CDH22: variants seen among roughly 807,000 people sequenced by gnomAD.
CDH22 encodes the protein cadherin 22, also known as cadherin-22.
In CDH22, 30 loss-of-function variants were observed where a neutral mutation model predicts 58.4. That is an observed-to-expected ratio of 0.51 (90% CI 0.38 to 0.70). The LOEUF is 0.70. Ranked by LOEUF, CDH22 falls within the 30% of genes least tolerant of loss-of-function variation. The probability of loss-of-function intolerance (pLI) is 0.00; values close to 1 mark genes in which losing one functional copy is unlikely to be tolerated. For missense variants in CDH22, 1,014 were observed against 1,233.9 expected, an observed-to-expected ratio of 0.82 and a Z score of 2.67; for synonymous variants, 513 against 558.2, an observed-to-expected ratio of 0.92 and a Z score of 1.14.
intron 7 of CDH22, among the ~76,000 whole-genome samples, chr20:46,202,801 C>T (rs1024822450): frequency 6.6e-6 from 1 of 152,222 alleles, no homozygotes; most frequent in Non-Finnish European, 1.5e-5. Flanking sequence ...TCTTGAGCAT[C>T]ATCAGCTCAG....
chr20:46,279,434 T>TG, intron 1 of CDH22, among the ~76,000 whole-genome samples: 1 of 152,322 alleles, frequency 6.6e-6, no homozygotes, highest in South Asian at 2.1e-4. Context: ...ATTCATCTGA[T>TG]GGAACACAGC....
At chr20:46,208,234 A>T (rs1342585536) in intron 7 of CDH22, among the ~76,000 whole-genome samples, 2 of 151,980 alleles carry the variant, frequency 1.3e-5, no homozygotes, top group Non-Finnish European at 2.9e-5. Flanking sequence ...CCTCCTCTGG[A>T]TCAGTTTCTT....
intron 8 of CDH22, among the ~76,000 whole-genome samples, chr20:46,196,719 C>G (rs892324214): frequency 6.6e-6 from 1 of 152,140 alleles, no homozygotes; most frequent in Non-Finnish European, 1.5e-5. Context: ...CTCATCCCCA[C>G]AGTGAAGATG....
Position 46,236,212 on chromosome 20 carries a change from C to T in CDH22, c.550+4751G>A, listed in dbSNP as rs565494761. Among the ~76,000 whole-genome samples the T allele has an allele frequency of 7.6e-4, 116 of 152,058 alleles. 1 individual carries two copies. The South Asian group carries it at 0.022, about 29-fold the overall frequency. ...CAGACATTTCTAACAGCCCAGACCT[C>T]GTGAGCCAGAAACGCTGGGGGGGAC... is the stretch of plus-strand genomic sequence containing the variant. On this transcript the variant is annotated intron_variant, in intron 3 of 11. Transcript: ENST00000537909.
At chr20:46,234,389 T>C (rs1008631313) in intron 3 of CDH22, among the ~76,000 whole-genome samples, 4 of 152,236 alleles carry the variant, frequency 2.6e-5, no homozygotes, top group Admixed American at 2.0e-4. Flanking sequence ...AAAATCACTT[T>C]GCATTTATTT....
chr20:46,208,783 G>T (rs1343143134), intron 7 of CDH22, among the ~76,000 whole-genome samples: 1 of 152,052 alleles, frequency 6.6e-6, no homozygotes, highest in African/African-American at 2.4e-5. Context: ...AGTAGAGACG[G>T]GGTTTCACCA....
In CDH22 at chr20:46,216,712, G is replaced by C. The variant is rs940088774; in HGVS notation, c.838+114C>G. 1 of 995,226 alleles carries C rather than the reference G, an allele frequency of 1.0e-6. No homozygotes were observed. The highest frequency in any genetic ancestry group is 1.5e-6 in the Non-Finnish European group (1 of 656,340). 61.6% of individuals were successfully genotyped at this position (995,226 alleles called of 1,614,324 possible). On this transcript the variant is annotated intron_variant, in intron 5 of 11. Coordinates refer to ENST00000537909, the MANE Select transcript of CDH22 (RefSeq NM_021248.3). The surrounding 1 kb of genome is among the most constrained non-coding windows in gnomAD (Gnocchi z 5.3). ...ACAGACAGACAGACAGAAAGAGAGG[G>C]GGAAGCCCTTCTTTTGGTGGGAAGT...
chr20:46,227,450 C>A, intron 4 of CDH22, 58 bp downstream of exon 4: 6 of 1,399,474 alleles, frequency 4.3e-6, no homozygotes, highest in Non-Finnish European at 4.9e-6. Flanking sequence ...GGTCCTCGTC[C>A]CGCCCCGCCC....
At position 46,174,499 on chromosome 20, in the gene CDH22, C is replaced by T; in HGVS notation, c.*7G>A. On this transcript the variant is annotated 3_prime_UTR_variant, in exon 12 of 12. Coordinates refer to ENST00000537909, the MANE Select transcript of CDH22 (RefSeq NM_021248.3). The surrounding 1 kb of genome is among the most constrained non-coding windows in gnomAD (Gnocchi z 4.4). ...GAGCAGCCGCGCCCCGACGGCAGGG[C>T]GAGGGGCTAGGAGGCCTGGGCCTCG... 6.7e-7 allele frequency: 1 copy of T among 1,482,156 alleles called. No individual in the cohort carries two copies. The highest frequency in any genetic ancestry group is 1.5e-5 in the African/African-American group (1 of 68,354). 91.8% of individuals were successfully genotyped at this position (1,482,156 alleles called of 1,614,324 possible). A position where few individuals can be genotyped will look rare whatever the true frequency, so the allele number is the denominator to read the frequency against.
In CDH22 at chr20:46,264,230, A is replaced by C. The variant is rs568214502; in HGVS notation, c.-399-12537T>G. 6.6e-5 allele frequency among the ~76,000 whole-genome samples: 10 copies of C among 152,100 alleles called. No individual in the cohort carries two copies. In the South Asian group the frequency reaches 1.0e-3, roughly 16 times the overall value. On this transcript the variant is annotated intron_variant, in intron 1 of 11. Coordinates refer to ENST00000537909, the MANE Select transcript of CDH22 (RefSeq NM_021248.3). ...TTATCATTATCCCCTTCACAATCTCACTTCACTCCAATGAGAAGGCTAGGC... is the reference window on the plus strand; with the variant it reads ...TTATCATTATCCCCTTCACAATCTCCCTTCACTCCAATGAGAAGGCTAGGC...
intron 3 of CDH22, among the ~76,000 whole-genome samples, chr20:46,238,690 C>T (rs2086270654): frequency 6.6e-6 from 1 of 152,180 alleles, no homozygotes; most frequent in Admixed American, 6.5e-5. Flanking sequence ...ATATCCAATC[C>T]ATTAGCAAAT....
chr20:46,302,314 T>A lies in CDH22; in HGVS notation c.-400+5941A>T, dbSNP rs1290606991. Among the ~76,000 whole-genome samples the A allele has an allele frequency of 2.0e-5, 3 of 152,250 alleles. No homozygotes were observed. The East Asian group carries it at 5.8e-4, about 29-fold the overall frequency. ...ACTGTCTTGTGCGTTGTAGGCGGTTTGGCAGCATCCCTGGCCTCTACCCAT... is the reference window on the plus strand; with the variant it reads ...ACTGTCTTGTGCGTTGTAGGCGGTTAGGCAGCATCCCTGGCCTCTACCCAT... On this transcript the variant is annotated intron_variant, in intron 1 of 11. Transcript: ENST00000537909.
intron 1 of CDH22, among the ~76,000 whole-genome samples, chr20:46,296,083 T>C (rs1194096666): frequency 1.3e-5 from 2 of 152,158 alleles, no homozygotes; most frequent in Non-Finnish European, 2.9e-5. Context: ...TCTTTTTATA[T>C]CAGGAGCCTC....
chr20:46,263,946 G>T (rs1289578969), intron 1 of CDH22, among the ~76,000 whole-genome samples: 1 of 152,156 alleles, frequency 6.6e-6, no homozygotes, highest in Non-Finnish European at 1.5e-5. Flanking sequence ...GGAAGAGGGT[G>T]GTGGTGGCTC....
At position 46,210,493 on chromosome 20, in the gene CDH22, G is replaced by T. The variant is rs746534107; in HGVS notation, c.1100C>A (p.Pro367His). ...ILEALNKFVD[P>H]RFADLGTFRD... ...GAACGTGCCCAGGTCGGCGAAGCGGGGGTCCACGAACTTGTTGAGGGCCTC... is the reference window on the plus strand; with the variant it reads ...GAACGTGCCCAGGTCGGCGAAGCGGTGGTCCACGAACTTGTTGAGGGCCTC... Residue 367 changes from proline (P) to histidine (H), a missense_variant, in exon 7 of 12, where the codon CCC becomes CAC. Physicochemically the swap from Pro to His is moderately conservative, Grantham distance 77 (BLOSUM62 -2). Transcript: ENST00000537909. The surrounding 1 kb of genome is among the most constrained non-coding windows in gnomAD (Gnocchi z 4.5). 7.0e-7 allele frequency: 1 copy of T among 1,433,212 alleles called. No homozygotes were observed. The allele number at this position is 1,433,212 out of a possible 1,614,324, so 88.8% of individuals were successfully genotyped here.
At chr20:46,217,935 T>A (rs1262996440) in intron 4 of CDH22, among the ~76,000 whole-genome samples, 1 of 131,794 alleles carries the variant, frequency 7.6e-6, no homozygotes, top group East Asian at 2.0e-4. Context: ...CTTTTCTTTC[T>A]TTTTTTTTTG....
chr20:46,220,969 A>C (rs1349352450), intron 4 of CDH22: 1 of 152,812 alleles, frequency 6.5e-6, no homozygotes, highest in Non-Finnish European at 1.5e-5. Context: ...GACATCAGCA[A>C]GTGTGCTTTG....
intron 3 of CDH22, among the ~76,000 whole-genome samples, chr20:46,231,731 C>T (rs1288251187): frequency 6.6e-6 from 1 of 152,204 alleles, no homozygotes; most frequent in Non-Finnish European, 1.5e-5. Flanking sequence ...AGAAGTCGGA[C>T]ACTCTTCAGA....
intron 4 of CDH22, among the ~76,000 whole-genome samples, chr20:46,222,258 A>G (rs2086131895): frequency 6.6e-6 from 1 of 152,188 alleles, no homozygotes; most frequent in Admixed American, 6.5e-5. Flanking sequence ...GGTCTTGTTC[A>G]TCCCGTGTCT....
Sources: allele counts gnomAD v4.1 joint callset (sites outside exome capture counted in the v4.1 genomes callset), GRCh38; gene constraint gnomAD v4.1.1; non-coding constraint Gnocchi (gnomAD v3.1); transcripts MANE v1.5; gene names NCBI Gene and HGNC (gene_info 2026-07-23, HGNC 2026-07-21).